Variants in TSPAN12 observed in about 807,000 individuals in gnomAD.
The protein encoded by TSPAN12 is tetraspanin-12.
Under a neutral mutation model 39.2 loss-of-function variants are expected in TSPAN12, and 19 were observed. That is an observed-to-expected ratio of 0.49 (90% CI 0.34 to 0.71). TSPAN12 has a LOEUF of 0.71. Among genes scored for constraint, TSPAN12 ranks in the 30% least tolerant of loss-of-function variants. TSPAN12 has a pLI of 0.01. For synonymous variants in TSPAN12, 119 were observed against 124.8 expected (o/e 0.95, Z 0.31); for missense variants, 314 against 359.9 (o/e 0.87, Z 1.03).
intron 5 of TSPAN12, among the ~76,000 whole-genome samples, chr7:120,815,167 A>T (rs1021283218): frequency 2.0e-5 from 3 of 152,206 alleles, no homozygotes; most frequent in African/African-American, 7.2e-5. Flanking sequence ...AAAATTTTAC[A>T]AATTATGGTT....
rs1408951862 is a variant in TSPAN12, at chr7:120,810,807, AC to A, written c.361-238del. Among the ~76,000 whole-genome samples, 3 of 152,350 alleles carry A rather than the reference AC, an allele frequency of 2.0e-5. No homozygotes were observed. In the East Asian group the frequency reaches 5.8e-4, roughly 29 times the overall value. The stretch of plus-strand genomic sequence containing the variant: ...TGTGATAAATGAAGAGGTATTTTGT[AC>A]TAAGGAAAAAAATGAGAAATCACTT... On this transcript the variant is annotated intron_variant, in intron 5 of 7. Transcript: ENST00000222747.
At chr7:120,852,373 CCT>C (rs1269354425) in intron 2 of TSPAN12, among the ~76,000 whole-genome samples, 2 of 152,104 alleles carry the variant, frequency 1.3e-5, no homozygotes, top group Non-Finnish European at 2.9e-5. Context: ...GAACAATCTC[CCT>C]CTCCATAGTC....
chr7:120,809,621 A>T (rs1050623995), intron 6 of TSPAN12, among the ~76,000 whole-genome samples: 2 of 152,138 alleles, frequency 1.3e-5, no homozygotes, highest in African/African-American at 4.8e-5. Flanking sequence ...CACTAAGATA[A>T]ATTAAAGGAA....
intron 7 of TSPAN12, among the ~76,000 whole-genome samples, chr7:120,791,832 C>A (rs1793529467): frequency 6.6e-6 from 1 of 152,128 alleles, no homozygotes; most frequent in Non-Finnish European, 1.5e-5. Context: ...ACTGAACACT[C>A]TAGAATGGGA....
intron 7 of TSPAN12, among the ~76,000 whole-genome samples, chr7:120,800,548 T>G (rs1793746668): frequency 6.6e-6 from 1 of 151,992 alleles, no homozygotes; most frequent in Non-Finnish European, 1.5e-5. Context: ...TTTGATAGAA[T>G]CCCATCCCTC....
intron 2 of TSPAN12, among the ~76,000 whole-genome samples, chr7:120,843,193 T>C (rs1204511021): frequency 2.6e-5 from 4 of 152,190 alleles, no homozygotes; most frequent in Non-Finnish European, 2.9e-5. Context: ...GAACAGATTG[T>C]AAAACTCATA....
intron 7 of TSPAN12, among the ~76,000 whole-genome samples, chr7:120,802,899 A>C (rs1022132878): frequency 6.6e-6 from 1 of 152,142 alleles, no homozygotes; most frequent in Non-Finnish European, 1.5e-5. Context: ...ATAAAATATT[A>C]TTGGGTCAGG....
At chr7:120,792,370 CAACGA>C (rs1793544691) in intron 7 of TSPAN12, among the ~76,000 whole-genome samples, 1 of 152,228 alleles carries the variant, frequency 6.6e-6, no homozygotes, top group South Asian at 2.1e-4. Context: ...AGGAGGTTAC[CAACGA>C]CAGTTAGAGG....
Position 120,838,795 on chromosome 7 carries a change from A to G in TSPAN12, c.267T>C (p.Asn89=). ...MLGYCGTVKR[N]LLLLAWYFGS... is the part of the protein sequence containing the mutation. ...ATCATACCCATGCAAGAAGCAACAG[A>G]TTTCTTTTCACCGTTCCACAATATC... The change falls in exon 4 of 8, where the codon AAT becomes AAC. Residue 89 remains asparagine (N), a synonymous_variant. Transcript: ENST00000222747. 6.2e-7 allele frequency: 1 copy of G among 1,613,972 alleles called. No homozygotes were observed. The highest frequency in any genetic ancestry group is 8.5e-7 in the Non-Finnish European group (1 of 1,179,906).
At chr7:120,836,048 A>C (rs935484146) in intron 4 of TSPAN12, among the ~76,000 whole-genome samples, 1 of 152,202 alleles carries the variant, frequency 6.6e-6, no homozygotes, top group Non-Finnish European at 1.5e-5. Flanking sequence ...GAGTCTCTGC[A>C]CCTGTCTGAG....
chr7:120,840,489 G>T (rs532157576), intron 2 of TSPAN12, among the ~76,000 whole-genome samples: 7 of 13,510 alleles, frequency 5.2e-4, no homozygotes, highest in Admixed American at 1.2e-3. Context: ...ATTAAATATT[G>T]TCAAAAAAAG....
intron 6 of TSPAN12, among the ~76,000 whole-genome samples, 183 bp from the exon 7 acceptor site, chr7:120,806,875 G>A (rs934170327): frequency 9.2e-5 from 14 of 152,036 alleles, no homozygotes; most frequent in African/African-American, 3.4e-4. Context: ...GCTAACGATT[G>A]CATAATGGAA....
intron 1 of TSPAN12, chr7:120,857,329 C>T (rs1028525880): frequency 4.3e-5 from 7 of 163,998 alleles, no homozygotes; most frequent in Admixed American, 2.9e-4. Context: ...ACCCCTCTAC[C>T]CCGTCCCGCA....
chr7:120,808,462 A>T (rs533920954), intron 6 of TSPAN12, among the ~76,000 whole-genome samples: 1 of 152,142 alleles, frequency 6.6e-6, no homozygotes, highest in East Asian at 1.9e-4. Flanking sequence ...TTAATATCAT[A>T]TTGTGAGATA....
chr7:120,840,134 G>A (rs1228038035), intron 2 of TSPAN12, 25 bp from the exon 3 acceptor site: 12 of 1,560,080 alleles, frequency 7.7e-6, no homozygotes, highest in Non-Finnish European at 1.1e-5. Flanking sequence ...GTACAAACCG[G>A]TTACCAAAGA....
At chr7:120,811,598 G>A (rs1793982515) in intron 5 of TSPAN12, among the ~76,000 whole-genome samples, 1 of 151,062 alleles carries the variant, frequency 6.6e-6, no homozygotes, top group African/African-American at 2.4e-5. Flanking sequence ...TGAACCCGGA[G>A]GGCGAAGGTT....
chr7:120,856,748 A>C lies in TSPAN12; in HGVS notation c.16T>G (p.Ser6Ala). 6 of 1,614,192 alleles carry C rather than the reference A, an allele frequency of 3.7e-6. No homozygotes were observed. Among genetic ancestry groups the C allele is most frequent in the Non-Finnish European group, 4.2e-6 (5 of 1,180,026 alleles). ...AGCAGGCAGCGCAGACACTTCACGGAATCTTCTCTGGCCATTGTGAGCCCC... is the reference window on the plus strand; with the variant it reads ...AGCAGGCAGCGCAGACACTTCACGGCATCTTCTCTGGCCATTGTGAGCCCC... MARED[S>A]VKCLRCLLYA... The change falls in exon 2 of 8, where the codon TCC (serine) becomes GCC (alanine). Residue 6 changes from serine (S) to alanine (A), a missense_variant. Transcript: ENST00000222747.
At chr7:120,826,577 T>C (rs1794292100) in intron 4 of TSPAN12, among the ~76,000 whole-genome samples, 1 of 152,086 alleles carries the variant, frequency 6.6e-6, no homozygotes, top group African/African-American at 2.4e-5. Context: ...GAAGGAGCCT[T>C]AGCAATATCT....
intron 5 of TSPAN12, among the ~76,000 whole-genome samples, chr7:120,812,102 C>T (rs746016542): frequency 2.0e-4 from 30 of 152,130 alleles, no homozygotes; most frequent in Non-Finnish European, 4.0e-4. Context: ...TAAAGTAAAG[C>T]ATTTTTGTGC....
Sources: allele counts gnomAD v4.1 joint callset (sites outside exome capture counted in the v4.1 genomes callset), GRCh38; gene constraint gnomAD v4.1.1; transcripts MANE v1.5; gene names NCBI Gene and HGNC (gene_info 2026-07-23, HGNC 2026-07-21).